The following MMP26 variants were observed in gnomAD, a reference collection of about 807,000 sequenced individuals.
MMP26 encodes the protein matrix metallopeptidase 26, also known as matrix metalloproteinase-26.
A neutral mutation model predicts 31.0 loss-of-function variants in MMP26; 33 were observed. That is an observed-to-expected ratio of 1.06 (90% CI 0.81 to 1.42). The LOEUF is 1.42. Among genes scored for constraint, MMP26 ranks in the 40% most tolerant of loss-of-function variants. The probability of loss-of-function intolerance (pLI) is 0.00; values close to 1 mark genes in which losing one functional copy is unlikely to be tolerated. For missense variants in MMP26, 347 were observed against 316.1 expected (o/e 1.10, Z -0.74); for synonymous variants, 122 against 114.9 (o/e 1.06, Z -0.40).
At chr11:4,749,321 G>A (rs1307499386) in intron 1 of MMP26, among the ~76,000 whole-genome samples, 1 of 151,802 alleles carries the variant, frequency 6.6e-6, no homozygotes, top group Non-Finnish European at 1.5e-5. Flanking sequence ...CCATAATCAT[G>A]GATCAAAAAA....
At chr11:4,783,653 C>G (rs1436908851) in intron 2 of MMP26, among the ~76,000 whole-genome samples, 2 of 152,124 alleles carry the variant, frequency 1.3e-5, no homozygotes, top group Non-Finnish European at 2.9e-5. Context: ...TGGTTTGGCT[C>G]TGTGTCCCCA....
At chr11:4,750,237 T>A (rs574554337) in intron 1 of MMP26, among the ~76,000 whole-genome samples, 1 of 151,968 alleles carries the variant, frequency 6.6e-6, no homozygotes, top group Non-Finnish European at 1.5e-5. Context: ...TGGATACCTA[T>A]CAGAAGGGCT....
At chr11:4,977,157 GATA>G (rs1368622185) in intron 2 of MMP26, among the ~76,000 whole-genome samples, 9 of 151,194 alleles carry the variant, frequency 6.0e-5, no homozygotes, top group Non-Finnish European at 1.2e-4. Flanking sequence ...ATTTGTCTTT[GATA>G]ATGATGTTGT....
At chr11:4,778,270 G>T (rs149306539) in intron 2 of MMP26, among the ~76,000 whole-genome samples, 446 of 152,142 alleles carry the variant, frequency 2.9e-3, no homozygotes, top group Non-Finnish European at 5.1e-3. Flanking sequence ...TTTAAGAAAT[G>T]CCTCTCCAAG....
At chr11:4,869,247 C>G (rs1013541469) in intron 2 of MMP26, among the ~76,000 whole-genome samples, 2 of 151,860 alleles carry the variant, frequency 1.3e-5, no homozygotes, top group African/African-American at 4.9e-5. Context: ...AGCTTCTGCA[C>G]AGCAAAAGAA....
intron 2 of MMP26, among the ~76,000 whole-genome samples, chr11:4,886,036 T>C (rs900466846): frequency 6.6e-5 from 10 of 152,158 alleles, no homozygotes; most frequent in Non-Finnish European, 1.2e-4. Flanking sequence ...TAGTTGTTGA[T>C]GCTGTGTTGC....
intron 2 of MMP26, among the ~76,000 whole-genome samples, chr11:4,784,252 C>T (rs1458674592): frequency 6.6e-6 from 1 of 152,170 alleles, no homozygotes; most frequent in Non-Finnish European, 1.5e-5. Flanking sequence ...CATGACACAG[C>T]TTGGTTTCTT....
At chr11:4,949,388 TATA>T (rs759930120) in intron 2 of MMP26, among the ~76,000 whole-genome samples, 3 of 123,452 alleles carry the variant, frequency 2.4e-5, no homozygotes, top group African/African-American at 5.5e-5. Context: ...CAGCTATAAT[TATA>T]ATAATAAAAT....
At position 4,768,943 on chromosome 11, in the gene MMP26, T is replaced by C. The variant is rs1848667114; in HGVS notation, c.-145+1602T>C. On this transcript the variant is annotated intron_variant, in intron 2 of 7. Coordinates refer to ENST00000380390, the MANE Select transcript of MMP26 (RefSeq NM_021801.5). ...TTCGCTTTTCTACAGTGCAAGTCAT[T>C]CATGCCAGGTTTGTATCAAATAAAA... is the stretch of plus-strand genomic sequence containing the variant. 3 of 1,403,782 alleles carry C rather than the reference T, an allele frequency of 2.1e-6. No individual in the cohort carries two copies. In the African/African-American group the frequency reaches 4.3e-5, roughly 20 times the overall value. The allele number at this position is 1,403,782 out of a possible 1,614,324, so 87.0% of individuals were successfully genotyped here.
chr11:4,906,218 C>A (rs1182839683), intron 2 of MMP26, among the ~76,000 whole-genome samples: 1 of 152,128 alleles, frequency 6.6e-6, no homozygotes, highest in Non-Finnish European at 1.5e-5. Flanking sequence ...AAGTACTTAT[C>A]CACTGCTCCA....
chr11:4,777,988 G>A (rs1193510432), intron 2 of MMP26, among the ~76,000 whole-genome samples: 1 of 152,044 alleles, frequency 6.6e-6, no homozygotes, highest in Non-Finnish European at 1.5e-5. Flanking sequence ...ATTGTTGGAT[G>A]ACTGAGTAGG....
intron 2 of MMP26, chr11:4,877,499 GC>G (rs1316027023): frequency 1.3e-5 from 2 of 152,200 alleles, no homozygotes; most frequent in African/African-American, 4.8e-5. Context: ...GCTAGGGTTA[GC>G]CCTTAATGGC....
intron 2 of MMP26, among the ~76,000 whole-genome samples, chr11:4,937,093 A>G (rs942836996): frequency 7.9e-5 from 12 of 152,178 alleles, no homozygotes; most frequent in Non-Finnish European, 1.5e-4. Context: ...AAAAAGCAGG[A>G]AGCAGATGCT....
At chr11:4,754,245 C>T (rs1290509395) in intron 1 of MMP26, among the ~76,000 whole-genome samples, 1 of 151,820 alleles carries the variant, frequency 6.6e-6, no homozygotes, top group Non-Finnish European at 1.5e-5. Flanking sequence ...AACTATACTA[C>T]ACTGTCTAAT....
At chr11:4,860,575 C>T (rs1300167979) in intron 2 of MMP26, 1 of 449,992 alleles carries the variant, frequency 2.2e-6, no homozygotes, top group African/African-American at 2.0e-5. Flanking sequence ...GTTGTTCTCA[C>T]CATCGGGTGG....
intron 1 of MMP26, among the ~76,000 whole-genome samples, chr11:4,718,063 A>T (rs74772587): frequency 6.6e-6 from 1 of 152,312 alleles, no homozygotes; most frequent in East Asian, 1.9e-4. Flanking sequence ...AATAGACTGT[A>T]TGCTTGTCCA....
chr11:4,962,582 A>G (rs1846535010), intron 2 of MMP26, among the ~76,000 whole-genome samples: 1 of 152,198 alleles, frequency 6.6e-6, no homozygotes, highest in Non-Finnish European at 1.5e-5. Context: ...TTCAACGTGT[A>G]AGGCAGTAAT....
intron 2 of MMP26, among the ~76,000 whole-genome samples, chr11:4,772,448 T>C (rs894450491): frequency 4.6e-5 from 7 of 152,148 alleles, no homozygotes; most frequent in Non-Finnish European, 8.8e-5. Flanking sequence ...CATTTCCACA[T>C]TGAACCATAG....
intron 2 of MMP26, chr11:4,947,044 C>T (rs1424828932): frequency 6.3e-7 from 1 of 1,574,986 alleles, no homozygotes; most frequent in South Asian, 1.1e-5. Context: ...CTAGCCCTGG[C>T]ATCCCAACCA....
Sources: gnomAD v4.1 joint callset for allele counts (sites outside exome capture counted in the v4.1 genomes callset) on GRCh38, gnomAD v4.1.1 for gene constraint, MANE v1.5 for transcripts, NCBI Gene and HGNC (gene_info 2026-07-23, HGNC 2026-07-21) for gene names.